SGIP1: variants seen among roughly 807,000 people sequenced by gnomAD.
The protein encoded by SGIP1 is SH3-containing GRB2-like protein 3-interacting protein 1.
SGIP1 carries 38 observed loss-of-function variants against 107.5 expected under a neutral mutation model. The observed-to-expected ratio is 0.35, with a 90% CI of 0.27 to 0.46. The LOEUF (loss-of-function observed/expected upper bound fraction) is 0.46. SGIP1 is among the 20% of genes least tolerant of loss of function. The pLI, the probability that SGIP1 is intolerant of heterozygous loss-of-function variation, is 1.00. For synonymous variants in SGIP1, 365 were observed against 366.1 expected (o/e 1.00, Z 0.03); for missense variants, 929 against 1,019.5 (o/e 0.91, Z 1.21).
rs2094531824 is a variant in SGIP1 at position 66,744,823 on chromosome 1, G to C, written c.*1728G>C. 6.6e-6 allele frequency: 1 copy of C among 152,412 alleles called. No homozygotes were observed. The highest frequency in any genetic ancestry group is 2.4e-5 in the African/African-American group (1 of 41,412). The allele number at this position is 152,412 out of a possible 1,614,324, so 9.4% of individuals were successfully genotyped here. The stretch of plus-strand genomic sequence containing the variant: ...AACTCTCAGTTGGCCCCCTACAGCA[G>C]TCTGGTGTTGAAGTTTCTTTGAACG... On this transcript the variant is annotated 3_prime_UTR_variant, in exon 25 of 25. Coordinates refer to ENST00000371037, the MANE Select transcript of SGIP1 (RefSeq NM_032291.4).
At chr1:66,737,535 A>C (rs1270942616) in intron 21 of SGIP1, among the ~76,000 whole-genome samples, 1 of 152,128 alleles carries the variant, frequency 6.6e-6, no homozygotes, top group Non-Finnish European at 1.5e-5. Context: ...TCTACTTTTT[A>C]AAATAAATAA....
At chr1:66,694,599 AC>A in intron 17 of SGIP1, 1 of 932,322 alleles carries the variant, frequency 1.1e-6, no homozygotes. Context: ...ACATGCCCTC[AC>A]CTCATGAGTG....
intron 1 of SGIP1, among the ~76,000 whole-genome samples, chr1:66,567,949 C>A (rs1332738810): frequency 6.6e-6 from 1 of 152,062 alleles, no homozygotes; most frequent in Admixed American, 6.6e-5. Flanking sequence ...ATGCCTCCAG[C>A]TTTGTTCTTT....
chr1:66,734,745 A>G (rs562903984), intron 21 of SGIP1, among the ~76,000 whole-genome samples: 1 of 152,130 alleles, frequency 6.6e-6, no homozygotes, highest in Admixed American at 6.5e-5. Context: ...ACCTCAGGTG[A>G]TCCGCCCGCA....
intron 1 of SGIP1, among the ~76,000 whole-genome samples, chr1:66,605,976 T>C (rs1045427131): frequency 6.6e-6 from 1 of 152,134 alleles, no homozygotes; most frequent in Non-Finnish European, 1.5e-5. Flanking sequence ...AAGGTACAAG[T>C]CACCTTTTTT....
At chr1:66,570,585 T>A (rs2060248278) in intron 1 of SGIP1, among the ~76,000 whole-genome samples, 1 of 151,952 alleles carries the variant, frequency 6.6e-6, no homozygotes, top group Admixed American at 6.6e-5. Flanking sequence ...AGAAATTTCA[T>A]TGCCATCTAT....
chr1:66,580,485 T>C (rs1402791405), intron 1 of SGIP1, among the ~76,000 whole-genome samples: 1 of 152,148 alleles, frequency 6.6e-6, no homozygotes, highest in Non-Finnish European at 1.5e-5. Flanking sequence ...CCTATCTACC[T>C]GAATCTGCTT....
chr1:66,677,100 A>G lies in SGIP1; in HGVS notation c.739+4A>G. 6.2e-7 allele frequency: 1 copy of G among 1,611,088 alleles called. No individual in the cohort carries two copies. ...ACAAGGCCTTTTCCCACTGGAAGTAAGTTATGTGTCTGCTCTGTCTGGAAA... is the reference window on the plus strand; with the variant it reads ...ACAAGGCCTTTTCCCACTGGAAGTAGGTTATGTGTCTGCTCTGTCTGGAAA... On this transcript the variant is annotated splice_donor_region_variant and intron_variant, in intron 13 of 24. Transcript: ENST00000371037.
At chr1:66,585,890 T>A (rs1343116830) in intron 1 of SGIP1, among the ~76,000 whole-genome samples, 1 of 152,208 alleles carries the variant, frequency 6.6e-6, no homozygotes, top group African/African-American at 2.4e-5. Context: ...TGTCTCCAAG[T>A]GCTCTGCGAA....
At chr1:66,729,241 C>T (rs1439374499) in intron 19 of SGIP1, 23 bp from the exon 20 acceptor site, 2 of 1,612,314 alleles carry the variant, frequency 1.2e-6, no homozygotes, top group East Asian at 4.5e-5. Flanking sequence ...TCTCTCTTTC[C>T]TCTCTGTGTT....
chr1:66,576,952 C>G (rs2061150867), intron 1 of SGIP1, among the ~76,000 whole-genome samples: 1 of 152,196 alleles, frequency 6.6e-6, no homozygotes, highest in African/African-American at 2.4e-5. Context: ...CTGGGTCATG[C>G]CTGGTGCTTG....
At chr1:66,584,920 A>G (rs1361715684) in intron 1 of SGIP1, among the ~76,000 whole-genome samples, 2 of 152,176 alleles carry the variant, frequency 1.3e-5, no homozygotes, top group South Asian at 2.1e-4. Flanking sequence ...TCACACAACT[A>G]TAGACTGGCA....
intron 17 of SGIP1, among the ~76,000 whole-genome samples, chr1:66,693,851 C>T (rs1021586560): frequency 2.6e-5 from 4 of 152,180 alleles, no homozygotes; most frequent in South Asian, 2.1e-4. Context: ...TCAAAATTAA[C>T]GGTCCATAAC....
chr1:66,606,011 C>A (rs549093670), intron 1 of SGIP1, among the ~76,000 whole-genome samples: 1 of 152,230 alleles, frequency 6.6e-6, no homozygotes, highest in South Asian at 2.1e-4. Flanking sequence ...ATCTTTTCAT[C>A]TGGGGAAGAT....
At chr1:66,581,941 G>A (rs542743026) in intron 1 of SGIP1, among the ~76,000 whole-genome samples, 1 of 152,136 alleles carries the variant, frequency 6.6e-6, no homozygotes, top group Non-Finnish European at 1.5e-5. Context: ...TGGTACTTTG[G>A]CATCAGGAAA....
chr1:66,570,476 A>G (rs987997363), intron 1 of SGIP1, among the ~76,000 whole-genome samples: 1 of 151,916 alleles, frequency 6.6e-6, no homozygotes, highest in Non-Finnish European at 1.5e-5. Flanking sequence ...TCAATAGACA[A>G]ATGTCTTGCA....
chr1:66,643,062 A>G (rs1293794468), intron 6 of SGIP1, among the ~76,000 whole-genome samples, 198 bp downstream of exon 6: 1 of 152,238 alleles, frequency 6.6e-6, no homozygotes, highest in African/African-American at 2.4e-5. Context: ...ATTCATAGAA[A>G]AGAGAGAGGA....
At chr1:66,710,676 T>C (rs1234786779) in intron 18 of SGIP1, among the ~76,000 whole-genome samples, 1 of 152,194 alleles carries the variant, frequency 6.6e-6, no homozygotes, top group Non-Finnish European at 1.5e-5. Flanking sequence ...GGATATACCA[T>C]GCAAATACAG....
chr1:66,686,715 G>A (rs897244430), intron 15 of SGIP1, among the ~76,000 whole-genome samples: 6 of 152,106 alleles, frequency 3.9e-5, no homozygotes, highest in Admixed American at 6.5e-5. Flanking sequence ...TCTTAATGTC[G>A]TTCTAGCTGC....
Sources: allele counts gnomAD v4.1 joint callset (sites outside exome capture counted in the v4.1 genomes callset), GRCh38; gene constraint gnomAD v4.1.1; transcripts MANE v1.5; gene names NCBI Gene and HGNC (gene_info 2026-07-23, HGNC 2026-07-21).